Variants in ABHD3 observed in about 807,000 individuals in gnomAD.
The protein encoded by ABHD3 is phospholipase ABHD3.
A neutral mutation model predicts 48.8 loss-of-function variants in ABHD3; 46 were observed. The observed-to-expected ratio is 0.94, with a 90% CI of 0.74 to 1.20. The LOEUF (loss-of-function observed/expected upper bound fraction) is 1.20. Ranked by LOEUF, ABHD3 falls within the 50% of genes most tolerant of loss-of-function variation. The probability of loss-of-function intolerance (pLI) is 0.00; values close to 1 mark genes in which losing one functional copy is unlikely to be tolerated. For synonymous variants in ABHD3, 192 were observed against 183.7 expected, an observed-to-expected ratio of 1.04 and a Z score of -0.36; for missense variants, 490 against 497.8, an observed-to-expected ratio of 0.98 and a Z score of 0.15.
intron 5 of ABHD3, chr18:21,663,887 C>T: frequency 6.9e-7 from 1 of 1,443,066 alleles, no homozygotes; most frequent in Non-Finnish European, 9.0e-7. Flanking sequence ...CCTTCAGGCT[C>T]ACAAAATCCG....
intron 4 of ABHD3, among the ~76,000 whole-genome samples, chr18:21,671,823 A>G (rs1280804409): frequency 6.6e-6 from 1 of 152,128 alleles, no homozygotes; most frequent in African/African-American, 2.4e-5. Flanking sequence ...TTTTTATAGA[A>G]ATGAGGTCTC....
At chr18:21,662,556 C>G (rs577539459) in intron 5 of ABHD3, among the ~76,000 whole-genome samples, 1 of 152,304 alleles carries the variant, frequency 6.6e-6, no homozygotes, top group African/African-American at 2.4e-5. Flanking sequence ...ATCATAGGCT[C>G]TATCACAGGG....
intron 3 of ABHD3, among the ~76,000 whole-genome samples, chr18:21,689,549 C>CA (rs36011228): frequency 0.036 from 1,475 of 40,798 alleles, 54 homozygotes; most frequent in Non-Finnish European, 0.041. Flanking sequence ...AATCTGGTCT[C>CA]AAAAAAAAAA....
intron 3 of ABHD3, among the ~76,000 whole-genome samples, chr18:21,699,888 G>A (rs1238648099): frequency 6.6e-6 from 1 of 152,084 alleles, no homozygotes; most frequent in Non-Finnish European, 1.5e-5. Context: ...ATGTTGGCCA[G>A]GCTAGTCTCG....
At chr18:21,698,533 T>C (rs1358683044) in intron 3 of ABHD3, among the ~76,000 whole-genome samples, 2 of 151,782 alleles carry the variant, frequency 1.3e-5, no homozygotes, top group African/African-American at 4.8e-5. Context: ...ATGAGGGAAG[T>C]AAGACATAAA....
At chr18:21,660,147 A>T (rs112091917) in intron 5 of ABHD3, among the ~76,000 whole-genome samples, 1,745 of 83,706 alleles carry the variant, frequency 0.021, 38 homozygotes, top group African/African-American at 0.11. Flanking sequence ...AAAAAAAAAA[A>T]TTTTTTTTTT....
chr18:21,659,737 C>T (rs1018384515), intron 5 of ABHD3, among the ~76,000 whole-genome samples: 3 of 151,794 alleles, frequency 2.0e-5, no homozygotes, highest in Non-Finnish European at 4.4e-5. Flanking sequence ...GGTGCGATCT[C>T]GGCTCACTGC....
chr18:21,696,532 C>T (rs777927484), intron 3 of ABHD3, among the ~76,000 whole-genome samples: 12 of 152,032 alleles, frequency 7.9e-5, no homozygotes, highest in Non-Finnish European at 1.6e-4. Context: ...TATTAATGTA[C>T]ATAAAATAAT....
chr18:21,657,929 G>T (rs1052938024), intron 6 of ABHD3, among the ~76,000 whole-genome samples: 1 of 152,086 alleles, frequency 6.6e-6, no homozygotes, highest in African/African-American at 2.4e-5. Context: ...CTGGGCGGGG[G>T]GCTCACGTCT....
chr18:21,651,820 T>A lies in ABHD3; in HGVS notation c.1058-57A>T, dbSNP rs528421104. ...AGAAGAAGGAGAGAGAAAAATATAA[T>A]CATTATGTTTTTGTCAGGAAAAGCA... On this transcript the variant is annotated intron_variant, in intron 8 of 8. Transcript: ENST00000289119. The A allele has an allele frequency of 6.9e-6, 10 of 1,452,496 alleles. No homozygotes were observed. The African/African-American group carries it at 1.4e-4, about 21-fold the overall frequency. The allele number at this position is 1,452,496 out of a possible 1,614,324, so 90.0% of individuals were successfully genotyped here.
At chr18:21,655,415 T>G (rs2039322922) in intron 8 of ABHD3, among the ~76,000 whole-genome samples, 1 of 151,744 alleles carries the variant, frequency 6.6e-6, no homozygotes, top group South Asian at 2.1e-4. Context: ...GCCTCCCAAG[T>G]AGCTGGGATT....
intron 4 of ABHD3, among the ~76,000 whole-genome samples, chr18:21,665,542 C>A (rs71366797): frequency 6.6e-6 from 1 of 152,036 alleles, no homozygotes; most frequent in African/African-American, 2.4e-5. Flanking sequence ...AGCAGCCAGG[C>A]GCAGTGGCTC....
chr18:21,668,257 C>T (rs371257875), intron 4 of ABHD3, among the ~76,000 whole-genome samples: 1 of 148,696 alleles, frequency 6.7e-6, no homozygotes, highest in South Asian at 2.2e-4. Context: ...CTACTATGCT[C>T]ATTCATAGTG....
Position 21,651,667 on chromosome 18 carries a change from C to T in ABHD3, c.1154G>A (p.Arg385Lys), listed in dbSNP as rs2039225046. The change falls in exon 9 of 9, where the codon AGA becomes AAA. Residue 385 changes from arginine (R) to lysine (K), a missense_variant. Transcript: ENST00000289119. ...HIGFLEGIWPRQSTYMDRVFK... is the reference protein window; with the variant it reads ...HIGFLEGIWPKQSTYMDRVFK... The stretch of plus-strand genomic sequence containing the variant: ...GACACGATCCATGTAAGTGGACTGT[C>T]TTGGCCAGATTCCCTCCAGAAAACC... 1.2e-6 allele frequency: 2 copies of T among 1,613,582 alleles called. No individual in the cohort carries two copies. The highest frequency in any genetic ancestry group is 1.7e-6 in the Non-Finnish European group (2 of 1,179,906).
chr18:21,693,529 T>C (rs1307021851), intron 3 of ABHD3, among the ~76,000 whole-genome samples: 1 of 152,208 alleles, frequency 6.6e-6, no homozygotes, highest in Non-Finnish European at 1.5e-5. Context: ...TTTGAGGGCA[T>C]GCCAACTCTG....
intron 5 of ABHD3, 145 bp downstream of exon 5, chr18:21,663,969 TTCAA>T: frequency 7.0e-7 from 1 of 1,431,198 alleles, no homozygotes; most frequent in Non-Finnish European, 9.1e-7. Flanking sequence ...CCTTCGTTCA[TTCAA>T]TCAACCGCAT....
At chr18:21,674,184 AATT>A (rs2039822043) in intron 4 of ABHD3, among the ~76,000 whole-genome samples, 1 of 151,928 alleles carries the variant, frequency 6.6e-6, no homozygotes, top group Non-Finnish European at 1.5e-5. Flanking sequence ...CTAGCTATTA[AATT>A]ATTATTTCTA....
intron 4 of ABHD3, among the ~76,000 whole-genome samples, chr18:21,669,416 G>T (rs1335162309): frequency 6.6e-6 from 1 of 151,978 alleles, no homozygotes; most frequent in African/African-American, 2.4e-5. Context: ...CCAAATGCAG[G>T]TAGGTATTCA....
chr18:21,691,974 G>T (rs924171431), intron 3 of ABHD3, among the ~76,000 whole-genome samples: 1 of 152,002 alleles, frequency 6.6e-6, no homozygotes, highest in Admixed American at 6.6e-5. Flanking sequence ...TTTTTAAGAC[G>T]GAGTTTTGCT....
Sources: allele counts gnomAD v4.1 joint callset (sites outside exome capture counted in the v4.1 genomes callset), GRCh38; gene constraint gnomAD v4.1.1; transcripts MANE v1.5; gene names NCBI Gene and HGNC (gene_info 2026-07-23, HGNC 2026-07-21).